ZFAND3: variants seen among roughly 807,000 people sequenced by gnomAD.
ZFAND3 encodes the protein AN1-type zinc finger protein 3.
A neutral mutation model predicts 29.6 loss-of-function variants in ZFAND3; 10 were observed. The observed-to-expected ratio is 0.34, with a 90% confidence interval of 0.21 to 0.57. ZFAND3 has a LOEUF of 0.57. Ranked by LOEUF, ZFAND3 falls within the 20% of genes least tolerant of loss-of-function variation. The pLI, the probability that ZFAND3 is intolerant of heterozygous loss-of-function variation, is 0.86. For missense variants in ZFAND3, 230 were observed against 304.5 expected (o/e 0.76, Z 1.82); for synonymous variants, 128 against 112.6 (o/e 1.14, Z -0.87).
intron 1 of ZFAND3, among the ~76,000 whole-genome samples, chr6:37,838,973 A>G (rs141392485): frequency 1.3e-3 from 198 of 152,268 alleles, no homozygotes; most frequent in Middle Eastern, 3.4e-3. Flanking sequence ...ATCTTTGCCA[A>G]TACTTGTCAT....
chr6:38,086,198 T>G, intron 4 of ZFAND3, among the ~76,000 whole-genome samples: 1 of 152,194 alleles, frequency 6.6e-6, no homozygotes, highest in East Asian at 1.9e-4. Context: ...GACTTTTCTT[T>G]ATATGATGGC....
chr6:38,144,229 A>ATT (rs1436513843), intron 5 of ZFAND3, among the ~76,000 whole-genome samples: 3 of 116,932 alleles, frequency 2.6e-5, no homozygotes, highest in African/African-American at 1.1e-4. Context: ...ATATATATAT[A>ATT]TATTTTTTTT....
At chr6:38,108,172 T>C (rs1400675372) in intron 4 of ZFAND3, among the ~76,000 whole-genome samples, 1 of 152,208 alleles carries the variant, frequency 6.6e-6, no homozygotes, top group Non-Finnish European at 1.5e-5. Flanking sequence ...ATGCCCTTAT[T>C]ATTAGATATC....
At chr6:38,044,375 C>G (rs1293187293) in intron 2 of ZFAND3, among the ~76,000 whole-genome samples, 1 of 151,696 alleles carries the variant, frequency 6.6e-6, no homozygotes, top group Non-Finnish European at 1.5e-5. Context: ...AGTTAACACT[C>G]TTACTTTTTT....
intron 2 of ZFAND3, among the ~76,000 whole-genome samples, chr6:37,987,086 T>C (rs1249420283): frequency 1.3e-5 from 2 of 152,248 alleles, no homozygotes; most frequent in Admixed American, 1.3e-4. Context: ...AGTGGGACTT[T>C]ACTTTGAATC....
intron 2 of ZFAND3, among the ~76,000 whole-genome samples, chr6:37,989,625 A>G (rs1437995691): frequency 1.3e-5 from 2 of 152,220 alleles, no homozygotes; most frequent in Non-Finnish European, 2.9e-5. Flanking sequence ...AGTCCGTAGC[A>G]ATAGATAAAG....
At chr6:37,903,909 G>C (rs1167272075) in intron 1 of ZFAND3, among the ~76,000 whole-genome samples, 1 of 152,112 alleles carries the variant, frequency 6.6e-6, no homozygotes, top group Non-Finnish European at 1.5e-5. Context: ...ACGAAATTCT[G>C]AAATAAAGGG....
chr6:38,020,744 CA>C (rs1433580119), intron 2 of ZFAND3, among the ~76,000 whole-genome samples: 1 of 152,128 alleles, frequency 6.6e-6, no homozygotes, highest in Non-Finnish European at 1.5e-5. Flanking sequence ...AATTTTCTGC[CA>C]GAATCACTTC....
At chr6:37,920,314 T>C (rs1761354585) in intron 1 of ZFAND3, among the ~76,000 whole-genome samples, 1 of 151,982 alleles carries the variant, frequency 6.6e-6, no homozygotes, top group South Asian at 2.1e-4. Context: ...CTTCATTGTT[T>C]TTTTTTTTCT....
chr6:37,822,338 T>C (rs1763682200), intron 1 of ZFAND3, among the ~76,000 whole-genome samples: 1 of 152,172 alleles, frequency 6.6e-6, no homozygotes, highest in African/African-American at 2.4e-5. Flanking sequence ...TCGTGAAAAG[T>C]GTTCTTTTTG....
At chr6:37,870,578 G>C (rs1163459626) in intron 1 of ZFAND3, among the ~76,000 whole-genome samples, 1 of 136,832 alleles carries the variant, frequency 7.3e-6, no homozygotes, top group East Asian at 2.1e-4. Flanking sequence ...CAGCCTTGGC[G>C]ACAGAGCAAG....
rs978037862 is a variant in ZFAND3, at chr6:38,154,085, C to T, written c.*1696C>T. The T allele has an allele frequency of 1.6e-5, 16 of 985,466 alleles. No homozygotes were observed. The highest frequency in any genetic ancestry group is 8.7e-5 in the African/African-American group (5 of 57,268). 61.0% of individuals were successfully genotyped at this position (985,466 alleles called of 1,614,324 possible). ...TTAATTCTTGCTTCAGGACCCAGACCGGTGTCTTGCTCTAGGGCAACCCAG... is the reference window on the plus strand; with the variant it reads ...TTAATTCTTGCTTCAGGACCCAGACTGGTGTCTTGCTCTAGGGCAACCCAG... On this transcript the variant is annotated 3_prime_UTR_variant, in exon 6 of 6. Coordinates refer to ENST00000287218, the MANE Select transcript of ZFAND3 (RefSeq NM_021943.3).
intron 1 of ZFAND3, among the ~76,000 whole-genome samples, chr6:37,926,897 C>CAA (rs1397745639): frequency 1.3e-5 from 2 of 152,190 alleles, no homozygotes; most frequent in African/African-American, 4.8e-5. Context: ...GAGAAAGGAT[C>CAA]AAAGTTCCCG....
chr6:38,037,286 G>A (rs547410457), intron 2 of ZFAND3, among the ~76,000 whole-genome samples: 5 of 152,316 alleles, frequency 3.3e-5, no homozygotes, highest in Admixed American at 1.3e-4. Context: ...CAACCAATTC[G>A]TGGTGTAGCC....
chr6:38,109,582 T>C (rs1266660230), intron 4 of ZFAND3, among the ~76,000 whole-genome samples: 1 of 152,060 alleles, frequency 6.6e-6, no homozygotes, highest in Admixed American at 6.6e-5. Context: ...TCATAGTCAC[T>C]TGTTTCTGGT....
chr6:38,116,557 T>C lies in ZFAND3; in HGVS notation c.362-15T>C, dbSNP rs1765421607. The C allele has an allele frequency of 1.9e-6, 3 of 1,596,670 alleles. No individual in the cohort carries two copies. The highest frequency in any genetic ancestry group is 1.1e-5 in the South Asian group (1 of 90,194). ...AGGCACTAATCCTGATCCCCAAATA[T>C]GTTGTTTTGGTCAGATTCACAGTCT... is the stretch of plus-strand genomic sequence containing the variant. On this transcript the variant is annotated splice_polypyrimidine_tract_variant and intron_variant, in intron 4 of 5. Coordinates refer to ENST00000287218, the MANE Select transcript of ZFAND3 (RefSeq NM_021943.3).
chr6:37,940,645 G>A (rs1761795016), intron 2 of ZFAND3, among the ~76,000 whole-genome samples: 1 of 152,152 alleles, frequency 6.6e-6, no homozygotes, highest in African/African-American at 2.4e-5. Context: ...GAGGTCTCTG[G>A]AAGTTCCCAG....
In ZFAND3 at chr6:37,836,023, T is replaced by C. The variant is rs1024543535; in HGVS notation, c.71+16007T>C. Among the ~76,000 whole-genome samples the C allele has an allele frequency of 2.6e-5, 4 of 152,160 alleles. No homozygotes were observed. The South Asian group carries it at 8.3e-4, about 32-fold the overall frequency. On this transcript the variant is annotated intron_variant, in intron 1 of 5. Coordinates refer to ENST00000287218, the MANE Select transcript of ZFAND3 (RefSeq NM_021943.3). Reference sequence around the variant, plus strand: ...TCTAAGTGTGAAAATGCCTTAGGTGTCTGAATTAGGAGAGAGGATGAGCTA... The same window carrying C: ...TCTAAGTGTGAAAATGCCTTAGGTGCCTGAATTAGGAGAGAGGATGAGCTA...
At chr6:38,102,217 C>T (rs966561952) in intron 4 of ZFAND3, among the ~76,000 whole-genome samples, 4 of 151,904 alleles carry the variant, frequency 2.6e-5, no homozygotes, top group African/African-American at 4.8e-5. Flanking sequence ...GATTCTGCTC[C>T]CACCCTGAAA....
Sources: gnomAD v4.1 joint callset for allele counts (sites outside exome capture counted in the v4.1 genomes callset) on GRCh38, gnomAD v4.1.1 for gene constraint, MANE v1.5 for transcripts, NCBI Gene and HGNC (gene_info 2026-07-23, HGNC 2026-07-21) for gene names.